Variants in ZNF423 observed in about 807,000 individuals in gnomAD.
ZNF423 encodes zinc finger protein 423, also known as Ebf-associated zinc finger protein.
Under a neutral mutation model 95.8 loss-of-function variants are expected in ZNF423, and 12 were observed. The observed-to-expected ratio is 0.13, with a 90% CI of 0.08 to 0.20. The LOEUF (loss-of-function observed/expected upper bound fraction) is 0.20, where lower values mean the gene tolerates loss of function less well. ZNF423 is among the 10% of genes least tolerant of loss of function. The pLI, the probability that ZNF423 is intolerant of heterozygous loss-of-function variation, is 1.00. For missense variants in ZNF423, 1,316 were observed against 1,737.1 expected (o/e 0.76, Z 4.31); for synonymous variants, 749 against 711.9 (o/e 1.05, Z -0.83).
intron 5 of ZNF423, among the ~76,000 whole-genome samples, chr16:49,556,473 G>C (rs973217817): frequency 6.6e-5 from 10 of 152,244 alleles, no homozygotes; most frequent in African/African-American, 2.4e-4. Context: ...GGAGATTTCT[G>C]CCCTATCAAC....
chr16:49,557,317 C>A (rs1567466083), intron 5 of ZNF423, among the ~76,000 whole-genome samples: 1 of 152,160 alleles, frequency 6.6e-6, no homozygotes, highest in Non-Finnish European at 1.5e-5. Context: ...GGGAGGGGGG[C>A]AGACGCCGCA....
At chr16:49,551,610 A>G (rs1267121153) in intron 5 of ZNF423, among the ~76,000 whole-genome samples, 1 of 152,216 alleles carries the variant, frequency 6.6e-6, no homozygotes, top group Non-Finnish European at 1.5e-5. Context: ...GAGGTGGGTC[A>G]GACCTGCACC....
At chr16:49,671,392 G>T (rs565520732) in intron 3 of ZNF423, among the ~76,000 whole-genome samples, 1 of 152,178 alleles carries the variant, frequency 6.6e-6, no homozygotes, top group Non-Finnish European at 1.5e-5. Flanking sequence ...GACCAAGCCC[G>T]GCCTTGATAG....
intron 2 of ZNF423, among the ~76,000 whole-genome samples, chr16:49,758,594 T>C (rs939090168): frequency 2.6e-5 from 4 of 151,950 alleles, no homozygotes; most frequent in African/African-American, 9.7e-5. Flanking sequence ...TTTTAAAAAA[T>C]ATCCAGGCAT....
chr16:49,717,065 C>T (rs117805002), intron 3 of ZNF423, among the ~76,000 whole-genome samples: 1,732 of 152,288 alleles, frequency 0.011, 29 homozygotes, highest in Middle Eastern at 0.041. Context: ...GTGTTCATCT[C>T]CAGGCTTGCA....
At chr16:49,739,547 AAGG>A (rs2033368207) in intron 2 of ZNF423, among the ~76,000 whole-genome samples, 3 of 152,066 alleles carry the variant, frequency 2.0e-5, no homozygotes, top group Admixed American at 6.5e-5. Context: ...CTCCTCCGTG[AAGG>A]GGTGTGATCA....
At position 49,635,908 on chromosome 16, in the gene ZNF423, G is replaced by C. The variant is rs752512632; in HGVS notation, c.3268C>G (p.Leu1090Val). Residue 1090 changes from leucine to valine, a missense_variant, in exon 4 of 8, where the codon CTT becomes GTT. Leu to Val is a conservative substitution (Grantham distance 32). Transcript: ENST00000563137. This position sits in a 1 kb window ranked among gnomAD's most constrained non-coding sequence, Gnocchi z 4.8. ...EFRSKQDLVK[L>V]DVNGLPYGLC... ...CCGTAGGGCAGCCCATTGACGTCAA[G>C]CTTCACCAGGTCCTGCTTGCTGCGG... The C allele has an allele frequency of 6.3e-7, 1 of 1,583,762 alleles. No individual in the cohort carries two copies. Among genetic ancestry groups the C allele is most frequent in the Non-Finnish European group, 8.6e-7 (1 of 1,165,192 alleles).
At chr16:49,631,309 T>C (rs1339065378) in intron 4 of ZNF423, among the ~76,000 whole-genome samples, 1 of 152,090 alleles carries the variant, frequency 6.6e-6, no homozygotes, top group African/African-American at 2.4e-5. Context: ...ACATGTGCAC[T>C]CACACATAGG....
At chr16:49,599,879 G>T (rs1037793117) in intron 5 of ZNF423, among the ~76,000 whole-genome samples, 3 of 152,210 alleles carry the variant, frequency 2.0e-5, no homozygotes, top group African/African-American at 7.2e-5. Context: ...TCAGCTAGAA[G>T]GAAGCCTGAA....
At chr16:49,549,346 A>C (rs1325906859) in intron 5 of ZNF423, among the ~76,000 whole-genome samples, 3 of 152,198 alleles carry the variant, frequency 2.0e-5, no homozygotes, top group Non-Finnish European at 4.4e-5. Flanking sequence ...CCCCCAGAGC[A>C]GACAAAGGTC....
chr16:49,642,069 T>C (rs1187751686), intron 3 of ZNF423, among the ~76,000 whole-genome samples: 1 of 152,256 alleles, frequency 6.6e-6, no homozygotes, highest in Non-Finnish European at 1.5e-5. Flanking sequence ...TAGTACTAAT[T>C]AGTGCCACAA....
At chr16:49,508,065 G>A (rs12926400) in intron 7 of ZNF423, among the ~76,000 whole-genome samples, 1 of 152,006 alleles carries the variant, frequency 6.6e-6, no homozygotes, top group African/African-American at 2.4e-5. Context: ...TGAGGCCTTG[G>A]GGGGTTAGTT....
At chr16:49,708,754 C>T (rs1287133936) in intron 3 of ZNF423, among the ~76,000 whole-genome samples, 1 of 152,166 alleles carries the variant, frequency 6.6e-6, no homozygotes, top group African/African-American at 2.4e-5. Flanking sequence ...GTCATTTTCC[C>T]ACTGCTTGTC....
intron 5 of ZNF423, among the ~76,000 whole-genome samples, chr16:49,550,088 G>C (rs553791200): frequency 4.6e-5 from 7 of 152,068 alleles, no homozygotes; most frequent in Non-Finnish European, 8.8e-5. Flanking sequence ...AGCTGGTCTC[G>C]AACTCCTGGC....
chr16:49,597,522 C>G (rs1322512168), intron 5 of ZNF423, among the ~76,000 whole-genome samples: 1 of 151,962 alleles, frequency 6.6e-6, no homozygotes, highest in Non-Finnish European at 1.5e-5. Flanking sequence ...CACCGGTTTC[C>G]TTTTAATTTT....
At chr16:49,831,206 C>T (rs1312197648) in intron 1 of ZNF423, among the ~76,000 whole-genome samples, 1 of 152,104 alleles carries the variant, frequency 6.6e-6, no homozygotes, top group Non-Finnish European at 1.5e-5. Context: ...AATGACACCA[C>T]CCAGAAATAA....
chr16:49,514,298 C>T (rs1474298057), intron 7 of ZNF423, among the ~76,000 whole-genome samples: 8 of 151,962 alleles, frequency 5.3e-5, no homozygotes, highest in South Asian at 2.1e-4. Context: ...CACAGTACAG[C>T]GTTTTCACAT....
At chr16:49,702,326 C>T (rs74417870) in intron 3 of ZNF423, among the ~76,000 whole-genome samples, 2,679 of 152,278 alleles carry the variant, frequency 0.018, 66 homozygotes, top group African/African-American at 0.061. Flanking sequence ...CAGCCAGGGA[C>T]GGGAGAAGTG....
At chr16:49,575,870 G>A (rs1970481902) in intron 5 of ZNF423, among the ~76,000 whole-genome samples, 1 of 152,016 alleles carries the variant, frequency 6.6e-6, no homozygotes, top group African/African-American at 2.4e-5. Flanking sequence ...CACACTTGGA[G>A]GAGCCTGAAG....
Sources: allele counts gnomAD v4.1 joint callset (sites outside exome capture counted in the v4.1 genomes callset), GRCh38; gene constraint gnomAD v4.1.1; non-coding constraint Gnocchi (gnomAD v3.1); transcripts MANE v1.5; gene names NCBI Gene and HGNC (gene_info 2026-07-23, HGNC 2026-07-21).